Variants in PPP4R3B observed in about 807,000 individuals in gnomAD.
The protein encoded by PPP4R3B is protein phosphatase 4 regulatory subunit 3B.
Under a neutral mutation model 95.4 loss-of-function variants are expected in PPP4R3B, and 52 were observed. The observed-to-expected ratio is 0.54, with a 90% CI of 0.44 to 0.69. PPP4R3B has a LOEUF of 0.69. PPP4R3B is among the 30% of genes least tolerant of loss of function. The probability of loss-of-function intolerance (pLI) is 0.00; values close to 1 mark genes in which losing one functional copy is unlikely to be tolerated. For missense variants in PPP4R3B, 1,003 were observed against 1,005.9 expected, an observed-to-expected ratio of 1.00 and a Z score of 0.04; for synonymous variants, 407 against 343.9, an observed-to-expected ratio of 1.18 and a Z score of -2.03.
chr2:55,604,747 G>T (rs1693141182), intron 2 of PPP4R3B, among the ~76,000 whole-genome samples: 1 of 151,896 alleles, frequency 6.6e-6, no homozygotes, highest in Non-Finnish European at 1.5e-5. Flanking sequence ...GGAAAAGGTT[G>T]TCACCCCTTG....
intron 7 of PPP4R3B, among the ~76,000 whole-genome samples, chr2:55,583,148 C>A (rs899970986): frequency 5.3e-5 from 8 of 152,030 alleles, no homozygotes; most frequent in African/African-American, 1.9e-4. Context: ...TATCAACTGC[C>A]ACTGAATATA....
chr2:55,615,302 GA>G, intron 2 of PPP4R3B, 148 bp downstream of exon 2: 1 of 658,422 alleles, frequency 1.5e-6, no homozygotes, highest in Non-Finnish European at 2.6e-6. Context: ...TTTTCAGTCT[GA>G]AACTTTTAAC....
intron 16 of PPP4R3B, among the ~76,000 whole-genome samples, chr2:55,557,066 A>AACAACG (rs1553460424): frequency 1.3e-5 from 2 of 151,456 alleles, no homozygotes; most frequent in Admixed American, 6.6e-5. Flanking sequence ...CTGTAACAAC[A>AACAACG]ACGACGACGA....
intron 5 of PPP4R3B, among the ~76,000 whole-genome samples, chr2:55,588,651 T>TG (rs1157837023): frequency 6.6e-6 from 1 of 151,908 alleles, no homozygotes; most frequent in Non-Finnish European, 1.5e-5. Context: ...CATACAATGG[T>TG]GGGGGGTGAT....
At chr2:55,601,619 A>T (rs911488910) in intron 3 of PPP4R3B, among the ~76,000 whole-genome samples, 1 of 151,994 alleles carries the variant, frequency 6.6e-6, no homozygotes, top group Admixed American at 6.6e-5. Context: ...TGACCTTGTG[A>T]TCCTCCTGCC....
In PPP4R3B at chr2:55,564,524, A is replaced by C. The variant is rs758826746; in HGVS notation, c.2076-27T>G. 4 of 1,546,456 alleles carry C rather than the reference A, an allele frequency of 2.6e-6. No individual in the cohort carries two copies. The Admixed American group carries it at 8.6e-5, about 33-fold the overall frequency. Reference sequence around the variant, plus strand: ...TGTAAGAAATATATCACAAATATTGAGTAATGATTTAAAGTTCATCATCAG... The same window carrying C: ...TGTAAGAAATATATCACAAATATTGCGTAATGATTTAAAGTTCATCATCAG... On this transcript the variant is annotated intron_variant, in intron 14 of 16. Transcript: ENST00000616407.
intron 15 of PPP4R3B, among the ~76,000 whole-genome samples, chr2:55,562,106 C>A (rs552383979): frequency 6.6e-6 from 1 of 152,042 alleles, no homozygotes; most frequent in African/African-American, 2.4e-5. Flanking sequence ...TGAGTTCTCA[C>A]GAGATCTGGT....
intron 3 of PPP4R3B, among the ~76,000 whole-genome samples, chr2:55,600,869 G>A (rs2103702568): frequency 6.6e-6 from 1 of 152,200 alleles, no homozygotes; most frequent in East Asian, 1.9e-4. Flanking sequence ...TATTAACATT[G>A]GTGCCTAAGC....
intron 11 of PPP4R3B, among the ~76,000 whole-genome samples, chr2:55,576,836 G>T (rs551640217): frequency 6.0e-4 from 92 of 152,228 alleles, no homozygotes; most frequent in Non-Finnish European, 1.2e-3. Context: ...TTTGAAACTG[G>T]CTCCCCTTTG....
intron 10 of PPP4R3B, 41 bp downstream of exon 10, chr2:55,578,206 A>T: frequency 7.4e-7 from 1 of 1,345,444 alleles, no homozygotes; most frequent in Non-Finnish European, 9.6e-7. Context: ...TCATAACAAC[A>T]TAAGTAAATA....
At chr2:55,550,213 T>A (rs1056162227) in intron 16 of PPP4R3B, among the ~76,000 whole-genome samples, 1 of 152,184 alleles carries the variant, frequency 6.6e-6, no homozygotes, top group African/African-American at 2.4e-5. Context: ...AACTTTTCTA[T>A]CTGGTTCTTG....
At chr2:55,593,109 G>A (rs185427731) in intron 4 of PPP4R3B, among the ~76,000 whole-genome samples, 6 of 152,204 alleles carry the variant, frequency 3.9e-5, no homozygotes, top group African/African-American at 1.2e-4. Flanking sequence ...AGTGAGCCAA[G>A]ATGGCGCCAC....
rs370378980 is a variant in PPP4R3B, at chr2:55,558,840, G to A, written c.2389C>T (p.Pro797Ser). Residue 797 changes from proline (P) to serine (S), a missense_variant, in exon 16 of 17, where the codon CCA becomes TCA. Transcript: ENST00000616407. ...NSKSVVAQIP[P>S]ATSNGSSSKT... ...GAAGAGGATCCATTAGAAGTTGCTG[G>A]TGGTATCTGAGCCACTACAGATTTA... is the stretch of plus-strand genomic sequence containing the variant. 1.8e-5 allele frequency: 29 copies of A among 1,613,536 alleles called. No homozygotes were observed. In the African/African-American group the frequency reaches 3.6e-4, roughly 20 times the overall value.
chr2:55,614,974 T>C (rs1694693380), intron 2 of PPP4R3B: 1 of 152,498 alleles, frequency 6.6e-6, no homozygotes, highest in Non-Finnish European at 1.5e-5. Context: ...TTTTATAAAG[T>C]ATCCATTGAT....
rs776378621 is a variant in PPP4R3B at position 55,598,462 on chromosome 2, G to GT, written c.874dup (p.Thr292AsnfsTer10). On this transcript the variant is annotated frameshift_variant, in exon 4 of 17. Transcript: ENST00000616407. LOFTEE classifies it high-confidence loss of function. ...AACTTTGTTGAAGAAAATAAAAGAC[G>GT]TAAGAGTAGAAAGAAAATTCTCTTC... 2 of 1,614,066 alleles carry GT rather than the reference G, an allele frequency of 1.2e-6. No homozygotes were observed. The highest frequency in any genetic ancestry group is 1.7e-5 in the Admixed American group (1 of 60,008).
At chr2:55,574,135 C>T (rs955144339) in intron 11 of PPP4R3B, among the ~76,000 whole-genome samples, 1 of 151,672 alleles carries the variant, frequency 6.6e-6, no homozygotes. Flanking sequence ...TCAAGCGATG[C>T]TCTCACCTGA....
intron 16 of PPP4R3B, 106 bp downstream of exon 16, chr2:55,558,669 A>C: frequency 2.5e-6 from 2 of 797,960 alleles, no homozygotes; most frequent in South Asian, 2.2e-5. Flanking sequence ...AAAAATTCTA[A>C]ACAATTCATT....
intron 2 of PPP4R3B, among the ~76,000 whole-genome samples, chr2:55,610,869 GTTT>G (rs11413034): frequency 3.9e-4 from 55 of 140,490 alleles, no homozygotes; most frequent in Non-Finnish European, 7.2e-4. Flanking sequence ...TATGACTCTG[GTTT>G]TTTTTTTTTT....
chr2:55,582,658 T>C (rs1299526681), intron 7 of PPP4R3B, among the ~76,000 whole-genome samples: 1 of 152,226 alleles, frequency 6.6e-6, no homozygotes, highest in Non-Finnish European at 1.5e-5. Flanking sequence ...TGACACTGTC[T>C]GGTAAGATCA....
Sources: gnomAD v4.1 joint callset for allele counts (sites outside exome capture counted in the v4.1 genomes callset) on GRCh38, gnomAD v4.1.1 for gene constraint, MANE v1.5 for transcripts, NCBI Gene and HGNC (gene_info 2026-07-23, HGNC 2026-07-21) for gene names.